FYN: variants seen among roughly 807,000 people sequenced by gnomAD.
The protein encoded by FYN is FYN proto-oncogene, Src family tyrosine kinase.
FYN carries 10 observed loss-of-function variants against 70.2 expected under a neutral mutation model. That is an observed-to-expected ratio of 0.14 (90% CI 0.09 to 0.24). The LOEUF is 0.24. Ranked by LOEUF, FYN falls within the 10% of genes least tolerant of loss-of-function variation. The pLI is 1.00. For synonymous variants in FYN, 236 were observed against 248.6 expected, an observed-to-expected ratio of 0.95 and a Z score of 0.48; for missense variants, 319 against 673.1, an observed-to-expected ratio of 0.47 and a Z score of 5.82.
At chr6:111,760,989 A>C (rs1238475408) in intron 3 of FYN, among the ~76,000 whole-genome samples, 1 of 152,194 alleles carries the variant, frequency 6.6e-6, no homozygotes. Flanking sequence ...AAATTGTATA[A>C]TTTAAAAAAC....
At chr6:111,663,098 C>T (rs1052068569) in intron 13 of FYN, among the ~76,000 whole-genome samples, 10 of 152,208 alleles carry the variant, frequency 6.6e-5, no homozygotes, top group African/African-American at 2.2e-4. Context: ...AGTTTTGCTT[C>T]CCTTTTTCAT....
At chr6:111,849,547 G>C (rs1773627571) in intron 1 of FYN, among the ~76,000 whole-genome samples, 1 of 152,212 alleles carries the variant, frequency 6.6e-6, no homozygotes, top group Non-Finnish European at 1.5e-5. Flanking sequence ...CAACAGAGGA[G>C]TGGCTAGGAG....
chr6:111,675,933 C>T (rs970076265), intron 12 of FYN, among the ~76,000 whole-genome samples: 3 of 152,018 alleles, frequency 2.0e-5, no homozygotes, highest in African/African-American at 7.2e-5. Context: ...ACTGAACAAA[C>T]TAAAAGAAAA....
intron 2 of FYN, among the ~76,000 whole-genome samples, chr6:111,817,903 T>C (rs1772540512): frequency 1.3e-5 from 2 of 152,228 alleles, no homozygotes; most frequent in Admixed American, 6.5e-5. Context: ...GGGCACTGTC[T>C]GGTTACAACA....
At position 111,694,307 on chromosome 6, in the gene FYN, G is replaced by T; in HGVS notation, c.1273+68C>A. ...GAAGGAAGGGAAGGGAAGGAGGAAG[G>T]AAGGGCTGTGCAGTAAGTGACTGTT... On this transcript the variant is annotated intron_variant, in intron 12 of 13. Coordinates refer to ENST00000354650, the MANE Select transcript of FYN (RefSeq NM_002037.5). The surrounding 1 kb of genome is among the most constrained non-coding windows in gnomAD (Gnocchi z 5.0). 6.4e-7 allele frequency: 1 copy of T among 1,559,778 alleles called. No homozygotes were observed.
At chr6:111,669,291 CG>C (rs1798151747) in intron 13 of FYN, among the ~76,000 whole-genome samples, 1 of 151,800 alleles carries the variant, frequency 6.6e-6, no homozygotes, top group South Asian at 2.1e-4. Flanking sequence ...AAAAATTAGC[CG>C]GGCGTGGTGG....
At position 111,696,326 on chromosome 6, in the gene FYN, T is replaced by G; in HGVS notation, c.993A>C (p.Ala331=). 1.2e-6 allele frequency: 2 copies of G among 1,613,602 alleles called. No homozygotes were observed. Among genetic ancestry groups the G allele is most frequent in the South Asian group, 2.2e-5 (2 of 90,830 alleles). ...LKHDKLVQLY[A]VVSEEPIYIV... The stretch of plus-strand genomic sequence containing the variant: ...TGTAGATGGGCTCCTCAGACACCAC[T>G]GCATAGAGCTGGACCAGCTTGTCGT... Residue 331 remains alanine, a synonymous_variant, in exon 10 of 14, where the codon GCA becomes GCC. Transcript: ENST00000354650.
intron 3 of FYN, among the ~76,000 whole-genome samples, chr6:111,736,774 G>A (rs538912080): frequency 2.6e-4 from 40 of 152,224 alleles, no homozygotes; most frequent in Admixed American, 2.2e-3. Flanking sequence ...TAATCTGGAC[G>A]CACTAAATGC....
At chr6:111,799,901 T>A (rs557556319) in intron 2 of FYN, among the ~76,000 whole-genome samples, 29 of 152,344 alleles carry the variant, frequency 1.9e-4, no homozygotes, top group African/African-American at 7.0e-4. Context: ...ACGGGTGACA[T>A]TTCCAGCACT....
At chr6:111,738,258 T>A (rs2128476685) in intron 3 of FYN, among the ~76,000 whole-genome samples, 1 of 152,322 alleles carries the variant, frequency 6.6e-6, no homozygotes, top group South Asian at 2.1e-4. Context: ...CAAAGAACCA[T>A]GCCTACCTGA....
In FYN at chr6:111,674,783, G is replaced by A. The variant is rs558770725; in HGVS notation, c.1274-153C>T. Among the ~76,000 whole-genome samples, 40 of 152,264 alleles carry A rather than the reference G, an allele frequency of 2.6e-4. 1 individual carries two copies. In the South Asian group the frequency reaches 8.3e-3, roughly 32 times the overall value. ...TGAAGCAGGAATGGGCTGGGATTGG[G>A]AAGATGTAGGGTCTGGTCTTGACTG... On this transcript the variant is annotated intron_variant, in intron 12 of 13. Coordinates refer to ENST00000354650, the MANE Select transcript of FYN (RefSeq NM_002037.5).
intron 1 of FYN, among the ~76,000 whole-genome samples, chr6:111,853,054 T>C (rs1329289720): frequency 6.6e-6 from 1 of 152,182 alleles, no homozygotes; most frequent in Non-Finnish European, 1.5e-5. Flanking sequence ...GCCTGAGCTT[T>C]TGCATGTCAG....
At chr6:111,701,045 G>A (rs1799811455) in intron 8 of FYN, among the ~76,000 whole-genome samples, 1 of 151,036 alleles carries the variant, frequency 6.6e-6, no homozygotes, top group South Asian at 2.1e-4. Context: ...GGTTTGAAAG[G>A]AGAAAGAATG....
At chr6:111,778,018 T>G (rs1385780000) in intron 3 of FYN, among the ~76,000 whole-genome samples, 1 of 152,094 alleles carries the variant, frequency 6.6e-6, no homozygotes, top group Admixed American at 6.5e-5. Flanking sequence ...TTCATACTGA[T>G]TGTGAAGGAA....
intron 3 of FYN, among the ~76,000 whole-genome samples, chr6:111,764,470 C>T (rs945254318): frequency 6.6e-6 from 1 of 151,892 alleles, no homozygotes; most frequent in African/African-American, 2.4e-5. Context: ...ACTCCTGTGC[C>T]GGCAGAAAAG....
At chr6:111,745,661 A>G (rs919537572) in intron 3 of FYN, among the ~76,000 whole-genome samples, 2 of 152,224 alleles carry the variant, frequency 1.3e-5, no homozygotes, top group Non-Finnish European at 2.9e-5. Context: ...ATGGATTTGT[A>G]TTTCAGAAAC....
chr6:111,664,322 C>T (rs917113645), intron 13 of FYN, among the ~76,000 whole-genome samples: 2 of 152,070 alleles, frequency 1.3e-5, no homozygotes, highest in South Asian at 2.1e-4. Flanking sequence ...GCCCCTGAAA[C>T]GCCTCCTAAT....
intron 3 of FYN, among the ~76,000 whole-genome samples, chr6:111,731,016 C>A (rs566265832): frequency 1.6e-4 from 25 of 152,276 alleles, no homozygotes; most frequent in South Asian, 4.1e-4. Flanking sequence ...GTCAGGGTGT[C>A]ACCTGGCAGA....
Position 111,661,617 on chromosome 6 carries a change from G to T in FYN, c.*122C>A. On this transcript the variant is annotated 3_prime_UTR_variant, in exon 14 of 14. Transcript: ENST00000354650. This position sits in a 1 kb window ranked among gnomAD's most constrained non-coding sequence, Gnocchi z 4.0. Reference sequence around the variant, plus strand: ...GCCATGGAAGTTCGTCAGCTTCAGAGTCACATGCAATCTGATCCTGGGCGG... The same window carrying T: ...GCCATGGAAGTTCGTCAGCTTCAGATTCACATGCAATCTGATCCTGGGCGG... 1 of 894,500 alleles carries T rather than the reference G, an allele frequency of 1.1e-6. No homozygotes were observed. Among genetic ancestry groups the T allele is most frequent in the Non-Finnish European group, 1.7e-6 (1 of 574,894 alleles). The allele number at this position is 894,500 out of a possible 1,614,324, so 55.4% of individuals were successfully genotyped here. A position where few individuals can be genotyped will look rare whatever the true frequency, so the allele number is the denominator to read the frequency against.
Sources: gnomAD v4.1 joint callset for allele counts (sites outside exome capture counted in the v4.1 genomes callset) on GRCh38, gnomAD v4.1.1 for gene constraint, Gnocchi (gnomAD v3.1) non-coding constraint, MANE v1.5 for transcripts, NCBI Gene and HGNC (gene_info 2026-07-23, HGNC 2026-07-21) for gene names.